CELF2: variants seen among roughly 807,000 people sequenced by gnomAD.
CELF2 encodes the protein CUGBP Elav-like family member 2.
A neutral mutation model predicts 62.6 loss-of-function variants in CELF2; 8 were observed. The ratio of observed to expected loss-of-function variants is 0.13; its 90% confidence interval spans 0.07 to 0.23. CELF2 has a LOEUF of 0.23. Ranked by LOEUF, CELF2 falls within the 10% of genes least tolerant of loss-of-function variation. The pLI is 1.00. For synonymous variants in CELF2, 258 were observed against 250.0 expected (o/e 1.03, Z -0.30); for missense variants, 333 against 671.0 (o/e 0.50, Z 5.56).
At chr10:10,849,562 C>T (rs545160225) in intron 1 of CELF2, among the ~76,000 whole-genome samples, 2 of 152,280 alleles carry the variant, frequency 1.3e-5, no homozygotes, top group African/African-American at 4.8e-5. Flanking sequence ...AGTTACAGAT[C>T]TGATGCCCCT....
rs567004068 is a variant in CELF2 at position 11,029,968 on chromosome 10, G to A, written c.74+11805G>A. Reference sequence around the variant, plus strand: ...TTTATCTTGCCTCTCTCTCAGTCTCGTTTTTCAGGTCTCCTAAGGATGTGC... The same window carrying A: ...TTTATCTTGCCTCTCTCTCAGTCTCATTTTTCAGGTCTCCTAAGGATGTGC... On this transcript the variant is annotated intron_variant, in intron 1 of 12. Coordinates refer to ENST00000633077, the MANE Select transcript of CELF2 (RefSeq NM_001326342.2). Among the ~76,000 whole-genome samples, 44 of 152,260 alleles carry A rather than the reference G, an allele frequency of 2.9e-4. No homozygotes were observed. The East Asian group carries it at 5.6e-3, about 19-fold the overall frequency.
At position 11,103,078 on chromosome 10, in the gene CELF2, C is replaced by T. The variant is rs144873180; in HGVS notation, c.75-62408C>T. ...CCTAATGGTTAATGCATCAACTTCT[C>T]AGCAAGTCCTAAGGGTGCCTCACAA... On this transcript the variant is annotated intron_variant, in intron 1 of 12. Transcript: ENST00000633077. 1.1e-3 allele frequency among the ~76,000 whole-genome samples: 165 copies of T among 152,320 alleles called. 2 individuals are homozygous for T. The highest frequency in any genetic ancestry group is 1.5e-3 in the Non-Finnish European group (101 of 68,022).
the CELF2 span, among the ~76,000 whole-genome samples, chr10:10,646,066 A>G: frequency 3.9e-5 from 6 of 152,296 alleles, no homozygotes; most frequent in Admixed American, 1.3e-4. Flanking sequence ...TTCTCCATTG[A>G]GGTTTTCAGA....
chr10:11,044,786 A>G (rs1489250338), intron 1 of CELF2, among the ~76,000 whole-genome samples: 1 of 152,234 alleles, frequency 6.6e-6, no homozygotes, highest in Admixed American at 6.5e-5. Flanking sequence ...GAGCTCTTGT[A>G]GTTTTATAAT....
chr10:10,773,456 G>A, the CELF2 span, among the ~76,000 whole-genome samples: 2 of 152,166 alleles, frequency 1.3e-5, no homozygotes, highest in Non-Finnish European at 2.9e-5. Context: ...CAAAATTCCT[G>A]TAGGCATTTA....
chr10:10,849,534 C>G (rs1333938691), intron 1 of CELF2, among the ~76,000 whole-genome samples: 2 of 152,166 alleles, frequency 1.3e-5, no homozygotes, highest in African/African-American at 4.8e-5. Context: ...ATACTACCTT[C>G]TGAATCATTT....
Position 11,302,223 on chromosome 10 carries a change from G to A in CELF2, c.977-11916G>A, listed in dbSNP as rs1185743152. Among the ~76,000 whole-genome samples the A allele has an allele frequency of 6.6e-6, 1 of 152,186 alleles. No individual in the cohort carries two copies. On this transcript the variant is annotated intron_variant, in intron 9 of 12. Coordinates refer to ENST00000633077, the MANE Select transcript of CELF2 (RefSeq NM_001326342.2). This position sits in a 1 kb window ranked among gnomAD's most constrained non-coding sequence, Gnocchi z 5.0. ...AAACCAAACCTTCCCACTCCCTGCA[G>A]CCTCTCACCTTCTCATGCCTCAGAA...
chr10:11,235,909 T>C (rs952330666), intron 3 of CELF2, among the ~76,000 whole-genome samples: 2 of 152,220 alleles, frequency 1.3e-5, no homozygotes, highest in Non-Finnish European at 2.9e-5. Context: ...ACCCTAGTTA[T>C]GTTTTCATTC....
rs1304558954 is a variant in CELF2, at chr10:11,178,139, G to A, written c.271+12457G>A. 1.3e-5 allele frequency among the ~76,000 whole-genome samples: 2 copies of A among 152,240 alleles called. No individual in the cohort carries two copies. Among genetic ancestry groups the A allele is most frequent in the Non-Finnish European group, 2.9e-5 (2 of 68,052 alleles). ...TGGCCTGCGTCAGCGTTATGGAGTA[G>A]GCAACCTGGTTCGGCGCAAAGAGGA... On this transcript the variant is annotated intron_variant, in intron 2 of 12. Transcript: ENST00000633077. This position sits in a 1 kb window ranked among gnomAD's most constrained non-coding sequence, Gnocchi z 4.3.
chr10:10,757,847 G>T, the CELF2 span, among the ~76,000 whole-genome samples: 8 of 152,308 alleles, frequency 5.3e-5, no homozygotes, highest in South Asian at 1.2e-3. Flanking sequence ...TTACAAGATG[G>T]TTAAATTTTA....
chr10:10,702,752 T>G, the CELF2 span, among the ~76,000 whole-genome samples: 1 of 152,154 alleles, frequency 6.6e-6, no homozygotes, highest in Non-Finnish European at 1.5e-5. Context: ...GCCCAGCTAA[T>G]TTTCTGTATT....
chr10:11,118,457 A>C (rs1475620254), intron 1 of CELF2, among the ~76,000 whole-genome samples: 5 of 152,100 alleles, frequency 3.3e-5, no homozygotes, highest in Non-Finnish European at 7.4e-5. Context: ...GTGAGCCCCC[A>C]TGTGCCTTGC....
At chr10:10,628,026 C>T in the CELF2 span, among the ~76,000 whole-genome samples, 2 of 152,170 alleles carry the variant, frequency 1.3e-5, no homozygotes, top group African/African-American at 4.8e-5. Flanking sequence ...CCTCAGCCTC[C>T]CAAGTAGCTG....
chr10:10,554,488 G>C, the CELF2 span, among the ~76,000 whole-genome samples: 2 of 152,288 alleles, frequency 1.3e-5, no homozygotes, highest in East Asian at 3.9e-4. Flanking sequence ...ACTGTCAAGA[G>C]AGTACAGGGC....
At chr10:11,063,252 T>TC (rs1328092819) in intron 1 of CELF2, among the ~76,000 whole-genome samples, 8 of 152,170 alleles carry the variant, frequency 5.3e-5, no homozygotes, top group African/African-American at 1.7e-4. Context: ...ATGTCAGTAT[T>TC]TAGGAACATG....
At chr10:11,271,744 G>A (rs1193428771) in intron 7 of CELF2, among the ~76,000 whole-genome samples, 1 of 151,964 alleles carries the variant, frequency 6.6e-6, no homozygotes, top group Non-Finnish European at 1.5e-5. Context: ...TGTACCCCAT[G>A]TGTATTGGGT....
the CELF2 span, among the ~76,000 whole-genome samples, chr10:10,535,043 G>A: frequency 6.6e-6 from 1 of 152,310 alleles, no homozygotes; most frequent in Non-Finnish European, 1.5e-5. Flanking sequence ...TGTATGGAGG[G>A]ATCTTAGTTT....
chr10:10,697,033 A>T, the CELF2 span, among the ~76,000 whole-genome samples: 5 of 152,160 alleles, frequency 3.3e-5, no homozygotes, highest in Non-Finnish European at 7.3e-5. Flanking sequence ...ATGTTCAAGG[A>T]TTAGAAAACA....
chr10:10,897,164 A>C (rs1030194426), intron 1 of CELF2, among the ~76,000 whole-genome samples: 3 of 152,192 alleles, frequency 2.0e-5, no homozygotes, highest in African/African-American at 7.2e-5. Flanking sequence ...ATGGCAGAGA[A>C]AGCATCTATC....
Sources: gnomAD v4.1 joint callset for allele counts (sites outside exome capture counted in the v4.1 genomes callset) on GRCh38, gnomAD v4.1.1 for gene constraint, Gnocchi (gnomAD v3.1) non-coding constraint, MANE v1.5 for transcripts, NCBI Gene and HGNC (gene_info 2026-07-23, HGNC 2026-07-21) for gene names.